THSD7A: variants seen among roughly 807,000 people sequenced by gnomAD.
The protein encoded by THSD7A is thrombospondin type 1 domain containing 7A, also known as thrombospondin type-1 domain-containing protein 7A.
In THSD7A, 96 loss-of-function variants were observed where a neutral mutation model predicts 231.3. The ratio of observed to expected loss-of-function variants is 0.41; its 90% CI spans 0.35 to 0.49. The LOEUF is 0.49. Ranked by LOEUF, THSD7A falls within the 20% of genes least tolerant of loss-of-function variation. The probability of loss-of-function intolerance (pLI) is 0.05; values close to 1 mark genes in which losing one functional copy is unlikely to be tolerated. For missense variants in THSD7A, 2,290 were observed against 2,070.2 expected, an observed-to-expected ratio of 1.11 and a Z score of -2.06; for synonymous variants, 940 against 743.3, an observed-to-expected ratio of 1.26 and a Z score of -4.30.
intron 13 of THSD7A, among the ~76,000 whole-genome samples, chr7:11,430,377 C>A (rs1259883829): frequency 6.6e-6 from 1 of 152,152 alleles, no homozygotes; most frequent in East Asian, 1.9e-4. Flanking sequence ...TTCCTCATCC[C>A]CTGACAACCA....
chr7:11,703,578 T>C (rs578124086), intron 1 of THSD7A, among the ~76,000 whole-genome samples: 1 of 151,354 alleles, frequency 6.6e-6, no homozygotes, highest in Admixed American at 6.6e-5. Flanking sequence ...CAAAATCTAC[T>C]GCTATACAGT....
intron 6 of THSD7A, among the ~76,000 whole-genome samples, chr7:11,494,296 C>A (rs1025664339): frequency 1.3e-5 from 2 of 151,892 alleles, no homozygotes; most frequent in Non-Finnish European, 2.9e-5. Flanking sequence ...ATAAATAAAA[C>A]CTCTGGGTTT....
chr7:11,386,083 A>G (rs1309483586), intron 23 of THSD7A, among the ~76,000 whole-genome samples: 2 of 152,158 alleles, frequency 1.3e-5, no homozygotes, highest in Admixed American at 6.6e-5. Flanking sequence ...TCCATGGTGT[A>G]TATGTGCCAC....
intron 1 of THSD7A, among the ~76,000 whole-genome samples, chr7:11,673,813 G>A (rs1330539441): frequency 6.6e-6 from 1 of 152,110 alleles, no homozygotes; most frequent in African/African-American, 2.4e-5. Context: ...GCAGGCTTGG[G>A]AAAAGCCTAG....
chr7:11,759,991 A>C (rs113997097), intron 1 of THSD7A, among the ~76,000 whole-genome samples: 1 of 152,036 alleles, frequency 6.6e-6, no homozygotes, highest in Admixed American at 6.6e-5. Flanking sequence ...TCTAATATTA[A>C]GTGATACAAA....
rs377184032 is a variant in THSD7A, at chr7:11,515,266, G to A, written c.1822+26153C>T. On this transcript the variant is annotated intron_variant, in intron 6 of 27. Coordinates refer to ENST00000423059, the MANE Select transcript of THSD7A (RefSeq NM_015204.3). ...CTCAGAATATTAATGTTACTTGCTA[G>A]GTCTGTGATACTTTAACTGAATATT... Among the ~76,000 whole-genome samples the A allele has an allele frequency of 3.3e-5, 5 of 152,052 alleles. No homozygotes were observed. The East Asian group carries it at 5.8e-4, about 18-fold the overall frequency.
chr7:11,738,982 C>T (rs982223010), intron 1 of THSD7A, among the ~76,000 whole-genome samples: 4 of 151,984 alleles, frequency 2.6e-5, no homozygotes, highest in African/African-American at 7.2e-5. Context: ...TAATACAATA[C>T]TAATGGATGC....
chr7:11,485,525 C>A (rs565806739), intron 6 of THSD7A, among the ~76,000 whole-genome samples: 5 of 152,288 alleles, frequency 3.3e-5, no homozygotes, highest in Non-Finnish European at 5.9e-5. Flanking sequence ...TCACAATAAC[C>A]TTTTGACATC....
intron 1 of THSD7A, among the ~76,000 whole-genome samples, chr7:11,741,765 T>G (rs1037093847): frequency 2.6e-5 from 4 of 152,084 alleles, no homozygotes; most frequent in Admixed American, 2.6e-4. Flanking sequence ...AGAATATAGT[T>G]AATAAATTCC....
chr7:11,375,607 C>T lies in THSD7A; in HGVS notation c.*187G>A. ...TCCTATAATTCTCACGGTTGATGGT[C>T]TGTATATAAGTGGTACTGTCTTAAA... On this transcript the variant is annotated 3_prime_UTR_variant, in exon 28 of 28. Transcript: ENST00000423059. The T allele has an allele frequency of 2.4e-6, 1 of 414,598 alleles. No individual in the cohort carries two copies. The highest frequency in any genetic ancestry group is 3.6e-5 in the East Asian group (1 of 28,160). 25.7% of individuals were successfully genotyped at this position (414,598 alleles called of 1,614,324 possible). A position where few individuals can be genotyped will look rare whatever the true frequency, so the allele number is the denominator to read the frequency against.
chr7:11,646,142 A>G (rs1248280090), intron 1 of THSD7A, among the ~76,000 whole-genome samples: 1 of 152,042 alleles, frequency 6.6e-6, no homozygotes. Context: ...TCTTGATTTC[A>G]AAATAACAAA....
chr7:11,577,857 A>C (rs1189403905), intron 4 of THSD7A, among the ~76,000 whole-genome samples: 2 of 152,086 alleles, frequency 1.3e-5, no homozygotes, highest in Admixed American at 1.3e-4. Flanking sequence ...ATTCTTCAGC[A>C]ATGGACTACT....
Position 11,668,633 on chromosome 7 carries a change from T to G in THSD7A, c.191-31672A>C, listed in dbSNP as rs1034638980. Among the ~76,000 whole-genome samples the G allele has an allele frequency of 3.3e-5, 5 of 151,142 alleles. No homozygotes were observed. The South Asian group carries it at 8.4e-4, about 25-fold the overall frequency. On this transcript the variant is annotated intron_variant, in intron 1 of 27. Transcript: ENST00000423059. ...ATAAATGAATCAAACAAACAAAGAGTGAACATGTATAAGACACAACTAGGG... is the reference window on the plus strand; with the variant it reads ...ATAAATGAATCAAACAAACAAAGAGGGAACATGTATAAGACACAACTAGGG...
rs1330599455 is a variant in THSD7A, at chr7:11,507,429, CG to C, written c.1823-25448del. Among the ~76,000 whole-genome samples the C allele has an allele frequency of 4.6e-5, 7 of 152,028 alleles. No individual in the cohort carries two copies. The South Asian group carries it at 1.5e-3, about 32-fold the overall frequency. On this transcript the variant is annotated intron_variant, in intron 6 of 27. Coordinates refer to ENST00000423059, the MANE Select transcript of THSD7A (RefSeq NM_015204.3). ...TGGCAATTTGGGAAATTTGTATGCC[CG>C]AATACTATGCTGAATCCATAAATTC...
At chr7:11,416,579 G>C (rs1190768002) in intron 17 of THSD7A, among the ~76,000 whole-genome samples, 1 of 152,120 alleles carries the variant, frequency 6.6e-6, no homozygotes, top group East Asian at 1.9e-4. Flanking sequence ...CTGCTAATCA[G>C]TATGTTTAAC....
Position 11,673,209 on chromosome 7 carries a change from G to C in THSD7A, c.191-36248C>G, listed in dbSNP as rs149397990. 4.6e-5 allele frequency among the ~76,000 whole-genome samples: 7 copies of C among 152,168 alleles called. No individual in the cohort carries two copies. In the East Asian group the frequency reaches 1.4e-3, roughly 30 times the overall value. On this transcript the variant is annotated intron_variant, in intron 1 of 27. Transcript: ENST00000423059. ...CACCCAGATTGGACGTAAGGAAGAGGTGAGTAAAAGAACTCCAGAACACCA... is the reference window on the plus strand; with the variant it reads ...CACCCAGATTGGACGTAAGGAAGAGCTGAGTAAAAGAACTCCAGAACACCA...
At chr7:11,535,849 T>C (rs1185262199) in intron 6 of THSD7A, among the ~76,000 whole-genome samples, 1 of 152,156 alleles carries the variant, frequency 6.6e-6, no homozygotes, top group Non-Finnish European at 1.5e-5. Flanking sequence ...CTCACCAAGG[T>C]TTCAGAAGCA....
chr7:11,422,072 C>T (rs890873360), intron 16 of THSD7A, among the ~76,000 whole-genome samples: 4 of 152,106 alleles, frequency 2.6e-5, no homozygotes, highest in Non-Finnish European at 4.4e-5. Flanking sequence ...CGGTGTAGAA[C>T]CAAGTTGTAG....
intron 1 of THSD7A, among the ~76,000 whole-genome samples, chr7:11,693,684 C>T (rs1780303112): frequency 6.6e-6 from 1 of 151,450 alleles, no homozygotes; most frequent in Non-Finnish European, 1.5e-5. Flanking sequence ...TCTCTGTTTT[C>T]CTCATCTAGA....
Sources: allele counts gnomAD v4.1 joint callset (sites outside exome capture counted in the v4.1 genomes callset), GRCh38; gene constraint gnomAD v4.1.1; transcripts MANE v1.5; gene names NCBI Gene and HGNC (gene_info 2026-07-23, HGNC 2026-07-21).